USP37: variants seen among roughly 807,000 people sequenced by gnomAD.
The protein encoded by USP37 is ubiquitin carboxyl-terminal hydrolase 37.
In USP37, 27 loss-of-function variants were observed where a neutral mutation model predicts 124.0. The observed-to-expected ratio is 0.22, with a 90% CI of 0.16 to 0.30. USP37 has a LOEUF of 0.30. Among genes scored for constraint, USP37 ranks in the 10% least tolerant of loss-of-function variants. The pLI, the probability that USP37 is intolerant of heterozygous loss-of-function variation, is 1.00. For missense variants in USP37, 889 were observed against 1,140.4 expected, an observed-to-expected ratio of 0.78 and a Z score of 3.17; for synonymous variants, 365 against 388.0, an observed-to-expected ratio of 0.94 and a Z score of 0.70.
chr2:218,502,804 A>C (rs1689457346), intron 11 of USP37, among the ~76,000 whole-genome samples: 1 of 152,196 alleles, frequency 6.6e-6, no homozygotes. Flanking sequence ...AAGAAACCCA[A>C]GGAAAGAAAG....
rs982425009 is a variant in USP37, at chr2:218,529,999, C to T, written c.820G>A (p.Ala274Thr). 6.2e-7 allele frequency: 1 copy of T among 1,613,580 alleles called. No homozygotes were observed. The highest frequency in any genetic ancestry group is 8.5e-7 in the Non-Finnish European group (1 of 1,179,850). ...LQSSSFYGSR[A>T]GSKEHSSGGT... ...CCAGAAGAGTGTTCCTTGGATCCAG[C>T]TCTGCTACCATAAAAGGATGATGAC... The change falls in exon 10 of 26, where the codon GCT becomes ACT. Residue 274 changes from alanine (A) to threonine (T), a missense_variant. Physicochemically the swap from Ala to Thr is moderately conservative, Grantham distance 58 (BLOSUM62 0). Coordinates refer to ENST00000258399, the MANE Select transcript of USP37 (RefSeq NM_020935.3).
chr2:218,552,200 T>G (rs180870074), intron 5 of USP37, among the ~76,000 whole-genome samples: 1 of 152,314 alleles, frequency 6.6e-6, no homozygotes, highest in African/African-American at 2.4e-5. Context: ...CATAAAAAGC[T>G]TTTATTTTAC....
At chr2:218,550,668 A>G (rs1692616692) in intron 5 of USP37, among the ~76,000 whole-genome samples, 1 of 151,544 alleles carries the variant, frequency 6.6e-6, no homozygotes, top group African/African-American at 2.4e-5. Flanking sequence ...GCTCCTACCA[A>G]GTATATGAGA....
intron 22 of USP37, among the ~76,000 whole-genome samples, chr2:218,463,052 A>G (rs182005280): frequency 9.2e-5 from 14 of 152,048 alleles, no homozygotes; most frequent in African/African-American, 3.4e-4. Context: ...CGCTAATTCC[A>G]GCTACTCGGG....
intron 21 of USP37, among the ~76,000 whole-genome samples, 163 bp from the exon 22 acceptor site, chr2:218,463,529 A>AC: frequency 8.3e-6 from 1 of 120,572 alleles, no homozygotes; most frequent in South Asian, 2.5e-4. Context: ...GAAGTTCTTT[A>AC]CTTTTTTTTT....
rs1689492706 is a variant in USP37 at position 218,451,936 on chromosome 2, G to T, written c.*2994C>A. 1 of 152,568 alleles carries T rather than the reference G, an allele frequency of 6.6e-6. No individual in the cohort carries two copies. The highest frequency in any genetic ancestry group is 6.5e-5 in the Admixed American group (1 of 15,276). The allele number at this position is 152,568 out of a possible 1,614,324, so 9.5% of individuals were successfully genotyped here. A position where few individuals can be genotyped will look rare whatever the true frequency, so the allele number is the denominator to read the frequency against. ...TTCATGGATTTGCTTATTCTATCCT[G>T]CTGAGACAAAACTCATGAGTGTGCA... On this transcript the variant is annotated 3_prime_UTR_variant, in exon 26 of 26. Transcript: ENST00000258399.
intron 14 of USP37, among the ~76,000 whole-genome samples, chr2:218,491,662 G>A (rs886436068): frequency 3.9e-5 from 6 of 152,194 alleles, no homozygotes; most frequent in Non-Finnish European, 8.8e-5. Flanking sequence ...GGTGATAGCA[G>A]TGAATAAACC....
At chr2:218,479,504 C>T in intron 18 of USP37, 146 bp downstream of exon 18, 2 of 639,000 alleles carry the variant, frequency 3.1e-6, no homozygotes, top group Non-Finnish European at 5.4e-6. Flanking sequence ...AAACCAAATT[C>T]AGGAAAGTTT....
intron 20 of USP37, among the ~76,000 whole-genome samples, chr2:218,467,359 T>C (rs113871291): frequency 0.01 from 1,171 of 112,862 alleles, 6 homozygotes; most frequent in Middle Eastern, 0.048. Context: ...ATCTATCTAT[T>C]TTTTTTTGAG....
intron 11 of USP37, among the ~76,000 whole-genome samples, chr2:218,500,186 T>C (rs1297311032): frequency 1.3e-5 from 2 of 152,214 alleles, no homozygotes; most frequent in Non-Finnish European, 2.9e-5. Context: ...GCAAGTCTCA[T>C]GCCTCAGCCT....
intron 1 of USP37, among the ~76,000 whole-genome samples, chr2:218,566,445 C>T (rs1693598864): frequency 6.6e-6 from 1 of 152,118 alleles, no homozygotes; most frequent in Non-Finnish European, 1.5e-5. Flanking sequence ...GGAGGAAATC[C>T]ACCAAAAGGT....
intron 20 of USP37, among the ~76,000 whole-genome samples, chr2:218,469,860 G>A (rs61360072): frequency 0.046 from 5,467 of 119,314 alleles, 348 homozygotes; most frequent in African/African-American, 0.16. Flanking sequence ...TTGCTCTGTC[G>A]CCCAGGCTGG....
intron 8 of USP37, among the ~76,000 whole-genome samples, chr2:218,535,365 T>TA (rs56044991): frequency 1.1e-3 from 142 of 125,678 alleles, no homozygotes; most frequent in Middle Eastern, 5.4e-3. Flanking sequence ...GTCTTAGTCT[T>TA]AAAAAAAAAA....
At position 218,497,775 on chromosome 2, in the gene USP37, T is replaced by C. The variant is rs1689157092; in HGVS notation, c.1240A>G (p.Ile414Val). ...GAGAATCTCTCTGCTGTAGCTGAAA[T>C]GGCATTTTTAACCTTCTTGAGTAAA... ...KDLLKKVKNA[I>V]SATAERFSGY... Residue 414 changes from isoleucine (I) to valine (V), a missense_variant, in exon 13 of 26, where the codon ATT becomes GTT. Ile to Val is a conservative substitution (Grantham distance 29, BLOSUM62 3). This residue lies in a region of USP37 where 504 missense variants were observed against 714.3 expected (regional missense o/e 0.71). Transcript: ENST00000258399. The C allele has an allele frequency of 6.2e-7, 1 of 1,614,198 alleles. No individual in the cohort carries two copies. The highest frequency in any genetic ancestry group is 8.5e-7 in the Non-Finnish European group (1 of 1,180,026).
intron 9 of USP37, among the ~76,000 whole-genome samples, chr2:218,532,821 T>C (rs944640269): frequency 1.3e-4 from 19 of 151,768 alleles, no homozygotes; most frequent in African/African-American, 4.4e-4. Flanking sequence ...TCCCAGCTAC[T>C]TGGGAGGCTG....
chr2:218,489,578 T>G (rs1010423966), intron 14 of USP37, among the ~76,000 whole-genome samples: 4 of 151,700 alleles, frequency 2.6e-5, no homozygotes, highest in Admixed American at 2.6e-4. Flanking sequence ...GCCTCCCCGT[T>G]TCAAGCAATT....
intron 16 of USP37, among the ~76,000 whole-genome samples, chr2:218,482,714 CT>C (rs1226905632): frequency 2.0e-5 from 3 of 152,102 alleles, no homozygotes; most frequent in African/African-American, 7.2e-5. Context: ...TTCAGAAGTA[CT>C]TTCTCTGTAG....
At position 218,482,156 on chromosome 2, in the gene USP37, G is replaced by A; in HGVS notation, c.1749C>T (p.Ile583=). The change falls in exon 17 of 26, where the codon ATC becomes ATT. Residue 583 remains isoleucine, a synonymous_variant. Coordinates refer to ENST00000258399, the MANE Select transcript of USP37 (RefSeq NM_020935.3). ...ATGACAGGGTCAGGTATCTTGGAAT[G>A]ATGACTTGCTGCCCAATCTTATTGT... is the stretch of plus-strand genomic sequence containing the variant. ...SLNNKIGQQV[I]IPRYLTLSSH... is the part of the protein sequence containing the mutation. 2 of 1,614,028 alleles carry A rather than the reference G, an allele frequency of 1.2e-6. No individual in the cohort carries two copies. The highest frequency in any genetic ancestry group is 1.7e-6 in the Non-Finnish European group (2 of 1,179,922).
chr2:218,510,964 C>T (rs540140993), intron 10 of USP37, among the ~76,000 whole-genome samples: 1 of 151,642 alleles, frequency 6.6e-6, no homozygotes, highest in Non-Finnish European at 1.5e-5. Context: ...CACTGCACTC[C>T]AACCTGGGTG....
Sources: allele counts gnomAD v4.1 joint callset (sites outside exome capture counted in the v4.1 genomes callset), GRCh38; gene constraint gnomAD v4.1.1; regional missense constraint gnomAD v4.1.1; transcripts MANE v1.5; gene names NCBI Gene and HGNC (gene_info 2026-07-23, HGNC 2026-07-21).